The following ARFGEF2 variants were observed in gnomAD, a reference collection of about 807,000 sequenced individuals.
ARFGEF2 encodes ARF guanine nucleotide exchange factor 2.
In ARFGEF2, 74 loss-of-function variants were observed where a neutral mutation model predicts 219.9. That is an observed-to-expected ratio of 0.34 (90% CI 0.28 to 0.41). The LOEUF (loss-of-function observed/expected upper bound fraction) is 0.41, where lower values mean the gene tolerates loss of function less well. ARFGEF2 is among the 10% of genes least tolerant of loss of function. ARFGEF2 has a pLI of 1.00. For synonymous variants in ARFGEF2, 733 were observed against 799.2 expected (o/e 0.92, Z 1.40); for missense variants, 1,743 against 2,218.3 (o/e 0.79, Z 4.30).
chr20:49,023,200 AG>A lies in ARFGEF2; in HGVS notation c.4755+21del, dbSNP rs769111777. ...CGCCCAGGTAAGAACAGGAGGCCTCAGGAAGAGCATCCCTGTCCATAGGGAG... is the reference window on the plus strand; with the variant it reads ...CGCCCAGGTAAGAACAGGAGGCCTCAGAAGAGCATCCCTGTCCATAGGGAG... On this transcript the variant is annotated intron_variant, in intron 35 of 38. Transcript: ENST00000371917. The A allele has an allele frequency of 1.2e-6, 2 of 1,613,370 alleles. No homozygotes were observed. Among genetic ancestry groups the A allele is most frequent in the East Asian group, 4.5e-5 (2 of 44,858 alleles).
At chr20:48,922,103 C>A in intron 1 of ARFGEF2, 93 bp downstream of exon 1, 1 of 1,479,298 alleles carries the variant, frequency 6.8e-7, no homozygotes, top group Non-Finnish European at 9.0e-7. Flanking sequence ...TCCTGGCCTC[C>A]GCTTCCCCCC....
chr20:48,935,471 GAA>G (rs1303595524), intron 1 of ARFGEF2, among the ~76,000 whole-genome samples: 1 of 151,954 alleles, frequency 6.6e-6, no homozygotes, highest in African/African-American at 2.4e-5. Context: ...AGAACAAAAT[GAA>G]AAGTCTCCCA....
intron 1 of ARFGEF2, among the ~76,000 whole-genome samples, chr20:48,938,643 C>T (rs553571801): frequency 1.3e-5 from 2 of 152,278 alleles, no homozygotes; most frequent in Non-Finnish European, 2.9e-5. Context: ...TCCTACTGAT[C>T]TAACGAACAC....
At chr20:48,941,820 G>T in intron 2 of ARFGEF2, 44 bp from the exon 3 acceptor site, 1 of 1,614,016 alleles carries the variant, frequency 6.2e-7, no homozygotes. Flanking sequence ...GTAAGGTGTA[G>T]AAAATTCATT....
intron 26 of ARFGEF2, among the ~76,000 whole-genome samples, chr20:49,007,494 G>T (rs1349234822): frequency 6.6e-6 from 1 of 151,684 alleles, no homozygotes; most frequent in Non-Finnish European, 1.5e-5. Context: ...TCACCATGCT[G>T]GTCAGGCTGG....
intron 25 of ARFGEF2, among the ~76,000 whole-genome samples, chr20:49,004,583 C>G (rs1055021706): frequency 3.3e-5 from 5 of 151,010 alleles, no homozygotes; most frequent in African/African-American, 1.2e-4. Flanking sequence ...GGTGGATCAC[C>G]TGAGGTCAGG....
In ARFGEF2 at chr20:48,921,981, A is replaced by G. The variant is rs1211420853; in HGVS notation, c.92A>G (p.Gln31Arg). 1.9e-6 allele frequency: 3 copies of G among 1,579,292 alleles called. No homozygotes were observed. Reference protein sequence around the residue: ...DKEVKRPQHSQLRRACQVALD... With the variant: ...DKEVKRPQHSRLRRACQVALD... ...GAGGTGAAGCGGCCCCAGCACTCCC[A>G]GCTGCGCAGGGCCTGCCAGGTGGCG... Residue 31 changes from glutamine (Q) to arginine (R), a missense_variant, in exon 1 of 39, where the codon CAG becomes CGG. Gln to Arg is a conservative substitution (Grantham distance 43). Around this residue, in one of 5 missense-constraint regions of ARFGEF2, gnomAD observed 394 missense variants for 426.6 expected, o/e 0.92. Transcript: ENST00000371917.
At chr20:48,978,997 C>A (rs1019479258) in intron 14 of ARFGEF2, among the ~76,000 whole-genome samples, 1 of 152,190 alleles carries the variant, frequency 6.6e-6, no homozygotes, top group African/African-American at 2.4e-5. Flanking sequence ...CTGGCCAGAA[C>A]TCCCAACACT....
rs527836465 is a variant in ARFGEF2, at chr20:49,031,291, G to A, written c.5064-758G>A. Among the ~76,000 whole-genome samples, 20 of 128,110 alleles carry A rather than the reference G, an allele frequency of 1.6e-4. No individual in the cohort carries two copies. In the South Asian group the frequency reaches 5.2e-3, roughly 33 times the overall value. The allele number at this position is 128,110 out of a possible 152,430, so 84.0% of individuals were successfully genotyped here. On this transcript the variant is annotated intron_variant, in intron 37 of 38. Transcript: ENST00000371917. ...ATCGCCCAGGCTGGAGTGCAGTGGTGCAATCTCAGTTTACTGCAACCTCCA... is the reference window on the plus strand; with the variant it reads ...ATCGCCCAGGCTGGAGTGCAGTGGTACAATCTCAGTTTACTGCAACCTCCA...
In ARFGEF2 at chr20:48,976,140, C is replaced by A. The variant is rs1173241627; in HGVS notation, c.1899C>A (p.Asp633Glu). The stretch of plus-strand genomic sequence containing the variant: ...GGACCCAGACAACTGTTCAGGATGA[C>A]CCTGAGCAATTTGAGGTCATCAAGC... ...SSGTQTTVQD[D>E]PEQFEVIKQQ... The change falls in exon 14 of 39, where the codon GAC (aspartate) becomes GAA (glutamate). Residue 633 changes from aspartate (D) to glutamate (E), a missense_variant. This residue lies in a region of ARFGEF2 where 666 missense variants were observed against 955.4 expected (regional missense o/e 0.70). Coordinates refer to ENST00000371917, the MANE Select transcript of ARFGEF2 (RefSeq NM_006420.3). The A allele has an allele frequency of 6.2e-7, 1 of 1,613,980 alleles. No individual in the cohort carries two copies. The highest frequency in any genetic ancestry group is 8.5e-7 in the Non-Finnish European group (1 of 1,180,042).
chr20:49,014,830 A>G (rs947102238), intron 30 of ARFGEF2, among the ~76,000 whole-genome samples: 12 of 152,212 alleles, frequency 7.9e-5, no homozygotes, highest in African/African-American at 2.9e-4. Context: ...AAATTTAAAT[A>G]TGTTTTTCCT....
intron 26 of ARFGEF2, among the ~76,000 whole-genome samples, chr20:49,005,992 G>A (rs758217393): frequency 5.9e-5 from 9 of 152,000 alleles, no homozygotes; most frequent in South Asian, 2.1e-4. Flanking sequence ...CTATAAAGAA[G>A]ACATTTTAAA....
At chr20:48,937,948 T>C (rs1352338070) in intron 1 of ARFGEF2, among the ~76,000 whole-genome samples, 1 of 152,242 alleles carries the variant, frequency 6.6e-6, no homozygotes, top group Non-Finnish European at 1.5e-5. Context: ...ACCGTGGTTG[T>C]AGCTTTCATG....
At position 48,988,261 on chromosome 20, in the gene ARFGEF2, C is replaced by T. The variant is rs756079133; in HGVS notation, c.2277-43C>T. The T allele has an allele frequency of 5.0e-5, 72 of 1,430,726 alleles. No individual in the cohort carries two copies. In the South Asian group the frequency reaches 7.4e-4, roughly 15 times the overall value. The allele number at this position is 1,430,726 out of a possible 1,614,324, so 88.6% of individuals were successfully genotyped here. On this transcript the variant is annotated intron_variant, in intron 16 of 38. Coordinates refer to ENST00000371917, the MANE Select transcript of ARFGEF2 (RefSeq NM_006420.3). ...CTCTGTTAGCATTGTACCTTCCAAA[C>T]CGCATCACCATGAATATTGATGTCT...
rs1359928026 is a variant in ARFGEF2, at chr20:49,035,708, G to C, written c.*2509G>C. On this transcript the variant is annotated 3_prime_UTR_variant, in exon 39 of 39. Coordinates refer to ENST00000371917, the MANE Select transcript of ARFGEF2 (RefSeq NM_006420.3). ...ATTTCTTTTTCAGAATGCTTTAAGT[G>C]TTGATTATATGTGCTGGGTCTCTAG... 3 of 152,998 alleles carry C rather than the reference G, an allele frequency of 2.0e-5. No individual in the cohort carries two copies. Among genetic ancestry groups the C allele is most frequent in the African/African-American group, 7.2e-5 (3 of 41,470 alleles). The allele number at this position is 152,998 out of a possible 1,614,324, so 9.5% of individuals were successfully genotyped here.
chr20:48,963,591 A>G (rs2091168392), intron 6 of ARFGEF2, among the ~76,000 whole-genome samples: 1 of 152,184 alleles, frequency 6.6e-6, no homozygotes, highest in Non-Finnish European at 1.5e-5. Context: ...AGAGTAGTAT[A>G]AGCCAGTGGG....
At chr20:48,991,327 G>A in intron 21 of ARFGEF2, 129 bp downstream of exon 21, 2 of 1,346,960 alleles carry the variant, frequency 1.5e-6, no homozygotes, top group South Asian at 2.4e-5. Context: ...GTATCTGGAA[G>A]TCACCCTCTC....
intron 1 of ARFGEF2, among the ~76,000 whole-genome samples, chr20:48,936,194 G>T (rs1285552082): frequency 7.0e-6 from 1 of 143,024 alleles, no homozygotes; most frequent in East Asian, 2.2e-4. Flanking sequence ...CCCAGTAGGG[G>T]CGGCCGGGCA....
At chr20:48,929,864 C>G (rs2090902486) in intron 1 of ARFGEF2, among the ~76,000 whole-genome samples, 1 of 152,158 alleles carries the variant, frequency 6.6e-6, no homozygotes, top group African/African-American at 2.4e-5. Context: ...CCCCAACATG[C>G]AAGGCCTGGA....
Sources: allele counts gnomAD v4.1 joint callset (sites outside exome capture counted in the v4.1 genomes callset), GRCh38; gene constraint gnomAD v4.1.1; regional missense constraint gnomAD v4.1.1; transcripts MANE v1.5; gene names NCBI Gene and HGNC (gene_info 2026-07-23, HGNC 2026-07-21).